The following ARFGEF2 variants were observed in gnomAD, a reference collection of about 807,000 sequenced individuals.
The protein encoded by ARFGEF2 is ARF guanine nucleotide exchange factor 2, also known as brefeldin A-inhibited guanine nucleotide-exchange protein 2.
In ARFGEF2, 74 loss-of-function variants were observed where a neutral mutation model predicts 219.9. The ratio of observed to expected loss-of-function variants is 0.34; its 90% CI spans 0.28 to 0.41. ARFGEF2 has a LOEUF of 0.41. Ranked by LOEUF, ARFGEF2 falls within the 10% of genes least tolerant of loss-of-function variation. ARFGEF2 has a pLI of 1.00. For missense variants in ARFGEF2, 1,743 were observed against 2,218.3 expected (o/e 0.79, Z 4.30); for synonymous variants, 733 against 799.2 (o/e 0.92, Z 1.40).
chr20:48,979,175 T>C (rs2091280182), intron 14 of ARFGEF2, among the ~76,000 whole-genome samples: 1 of 152,232 alleles, frequency 6.6e-6, no homozygotes, highest in South Asian at 2.1e-4. Context: ...TTGAGAGTTT[T>C]TAGCATGAAG....
intron 24 of ARFGEF2, 46 bp downstream of exon 24, chr20:48,998,279 TGACC>T: frequency 1.2e-6 from 2 of 1,614,202 alleles, no homozygotes; most frequent in Non-Finnish European, 1.7e-6. Context: ...CCTCACGCTG[TGACC>T]GTCTGACTGT....
intron 6 of ARFGEF2, among the ~76,000 whole-genome samples, chr20:48,962,576 C>G (rs2091160524): frequency 6.6e-6 from 1 of 152,222 alleles, no homozygotes; most frequent in Non-Finnish European, 1.5e-5. Flanking sequence ...TAACAGTGAT[C>G]TAGTCTAAAT....
rs545876430 is a variant in ARFGEF2 at position 48,933,055 on chromosome 20, A to T, written c.122-8144A>T. ...AAGAGAGAATGCGAGCCAGTGTCAG[A>T]GGTGCTGGTGAATGGAGGTGTGTGA... is the stretch of plus-strand genomic sequence containing the variant. On this transcript the variant is annotated intron_variant, in intron 1 of 38. Coordinates refer to ENST00000371917, the MANE Select transcript of ARFGEF2 (RefSeq NM_006420.3). Among the ~76,000 whole-genome samples the T allele has an allele frequency of 1.2e-4, 19 of 152,268 alleles. No individual in the cohort carries two copies. In the East Asian group the frequency reaches 3.1e-3, roughly 25 times the overall value.
At chr20:49,018,781 C>A in intron 33 of ARFGEF2, 103 bp from the exon 34 acceptor site, 1 of 842,326 alleles carries the variant, frequency 1.2e-6, no homozygotes, top group Non-Finnish European at 2.0e-6. Context: ...CTAAGCAAGG[C>A]ACTTAAATAC....
chr20:48,995,792 T>C lies in ARFGEF2; in HGVS notation c.3131T>C (p.Val1044Ala). ...EFMGLGLGNL[V>A]SGGVDKRQMA... ...GTGCATTGTGTTTCAGGTAATTTGGTGAGTGGCGGAGTGGATAAAAGACAG... is the reference window on the plus strand; with the variant it reads ...GTGCATTGTGTTTCAGGTAATTTGGCGAGTGGCGGAGTGGATAAAAGACAG... Residue 1044 changes from valine (V) to alanine (A), a missense_variant, in exon 23 of 39, where the codon GTG (valine) becomes GCG (alanine). Coordinates refer to ENST00000371917, the MANE Select transcript of ARFGEF2 (RefSeq NM_006420.3). 6.2e-7 allele frequency: 1 copy of C among 1,614,080 alleles called. No homozygotes were observed. The highest frequency in any genetic ancestry group is 2.2e-5 in the East Asian group (1 of 44,876).
chr20:48,951,521 G>T, intron 4 of ARFGEF2, 52 bp downstream of exon 4: 2 of 1,611,228 alleles, frequency 1.2e-6, no homozygotes, highest in Non-Finnish European at 1.7e-6. Flanking sequence ...GCAAGTCCCT[G>T]TGGGAATCTG....
intron 3 of ARFGEF2, among the ~76,000 whole-genome samples, chr20:48,950,348 C>T (rs942116371): frequency 1.3e-5 from 2 of 152,038 alleles, no homozygotes; most frequent in Admixed American, 6.6e-5. Flanking sequence ...TAGTCCCACC[C>T]CAGCTCACAG....
Position 48,952,844 on chromosome 20 carries a change from A to T in ARFGEF2, c.563A>T (p.Gln188Leu). 1 of 1,614,250 alleles carries T rather than the reference A, an allele frequency of 6.2e-7. No individual in the cohort carries two copies. The highest frequency in any genetic ancestry group is 8.5e-7 in the Non-Finnish European group (1 of 1,180,036). ...NQTTAKATLT[Q>L]MLNVIFTRME... ...ACCACTGCCAAGGCTACCCTTACTC[A>T]GATGCTGAACGTCATTTTCACCCGC... The change falls in exon 5 of 39, where the codon CAG becomes CTG. Residue 188 changes from glutamine to leucine, a missense_variant. Physicochemically the swap from Gln to Leu is moderately radical, Grantham distance 113 (BLOSUM62 -2). Transcript: ENST00000371917.
At chr20:49,022,154 CAAAAA>C (rs58870256) in intron 34 of ARFGEF2, among the ~76,000 whole-genome samples, 2 of 70,210 alleles carry the variant, frequency 2.8e-5, no homozygotes, top group Non-Finnish European at 2.9e-5. Flanking sequence ...GACTCCGTCT[CAAAAA>C]AAAAAAAAAA....
In ARFGEF2 at chr20:48,971,044, C is replaced by G. The variant is rs1200594712; in HGVS notation, c.1191-76C>G. 4.2e-6 allele frequency: 5 copies of G among 1,202,514 alleles called. No homozygotes were observed. In the Admixed American group the frequency reaches 6.9e-5, roughly 17 times the overall value. 74.5% of individuals were successfully genotyped at this position (1,202,514 alleles called of 1,614,324 possible). On this transcript the variant is annotated intron_variant, in intron 9 of 38. Transcript: ENST00000371917. The stretch of plus-strand genomic sequence containing the variant: ...AAAATTCTACTCATTGGTAAAGGAG[C>G]AAGGCCTTCTCAAGAAACATACTGT...
At chr20:48,939,091 C>T (rs1430080806) in intron 1 of ARFGEF2, among the ~76,000 whole-genome samples, 2 of 151,634 alleles carry the variant, frequency 1.3e-5, no homozygotes, top group Non-Finnish European at 2.9e-5. Context: ...TCTCCTGCCT[C>T]AGCCTCCTGA....
chr20:49,018,283 A>G (rs1394337941), intron 33 of ARFGEF2, among the ~76,000 whole-genome samples: 1 of 151,996 alleles, frequency 6.6e-6, no homozygotes, highest in Non-Finnish European at 1.5e-5. Flanking sequence ...CCCAGGCTGG[A>G]GTGCAGCAGT....
At chr20:48,942,135 T>G (rs773340474) in intron 3 of ARFGEF2, 148 bp downstream of exon 3, 7 of 1,161,044 alleles carry the variant, frequency 6.0e-6, no homozygotes, top group Non-Finnish European at 7.4e-6. Context: ...TTTTTGGAGA[T>G]CTCATGAGGG....
intron 6 of ARFGEF2, among the ~76,000 whole-genome samples, chr20:48,954,286 A>G (rs576599706): frequency 1.3e-5 from 2 of 152,326 alleles, no homozygotes; most frequent in South Asian, 2.1e-4. Flanking sequence ...TCTGGTGACC[A>G]TGTACATCAC....
chr20:49,005,061 C>A lies in ARFGEF2; in HGVS notation c.3433-9C>A, dbSNP rs1365946959. 2 of 1,613,994 alleles carry A rather than the reference C, an allele frequency of 1.2e-6. No homozygotes were observed. Among genetic ancestry groups the A allele is most frequent in the African/African-American group, 1.3e-5 (1 of 74,920 alleles). Reference sequence around the variant, plus strand: ...TACCTGTTTCACATCAGTTCCTGTTCTTGTTCAGGTTGGCTGCAACCCTAA... The same window carrying A: ...TACCTGTTTCACATCAGTTCCTGTTATTGTTCAGGTTGGCTGCAACCCTAA... On this transcript the variant is annotated splice_polypyrimidine_tract_variant and intron_variant, in intron 25 of 38. Transcript: ENST00000371917.
intron 14 of ARFGEF2, among the ~76,000 whole-genome samples, chr20:48,981,132 C>G (rs867233453): frequency 6.6e-6 from 1 of 152,160 alleles, no homozygotes; most frequent in Non-Finnish European, 1.5e-5. Context: ...TTGTTCCTTT[C>G]TATGTTTAGT....
At chr20:48,925,255 C>T (rs1020071128) in intron 1 of ARFGEF2, among the ~76,000 whole-genome samples, 1 of 152,100 alleles carries the variant, frequency 6.6e-6, no homozygotes, top group Non-Finnish European at 1.5e-5. Context: ...GGGATAGTGC[C>T]CTTCCAACCT....
Position 48,921,806 on chromosome 20 carries a change from C to G in ARFGEF2, c.-84C>G. On this transcript the variant is annotated 5_prime_UTR_variant, in exon 1 of 39. Coordinates refer to ENST00000371917, the MANE Select transcript of ARFGEF2 (RefSeq NM_006420.3). ...GCGGACGGACGCGGCCGGTGCCGGC[C>G]GGGACGCCGGGCCCGCAGCCTAGCT... The G allele has an allele frequency of 8.1e-7, 1 of 1,234,764 alleles. No homozygotes were observed. Among genetic ancestry groups the G allele is most frequent in the South Asian group, 2.9e-5 (1 of 34,790 alleles). The allele number at this position is 1,234,764 out of a possible 1,614,324, so 76.5% of individuals were successfully genotyped here.
intron 12 of ARFGEF2, 128 bp downstream of exon 12, chr20:48,973,412 C>T: frequency 2.1e-6 from 2 of 952,692 alleles, no homozygotes; most frequent in South Asian, 1.4e-5. Context: ...CATATTCACA[C>T]ACTTCCTGCC....
Sources: allele counts gnomAD v4.1 joint callset (sites outside exome capture counted in the v4.1 genomes callset), GRCh38; gene constraint gnomAD v4.1.1; transcripts MANE v1.5; gene names NCBI Gene and HGNC (gene_info 2026-07-23, HGNC 2026-07-21).